Variants in OPCML observed in about 807,000 individuals in gnomAD.
The protein encoded by OPCML is opioid-binding protein/cell adhesion molecule.
Under a neutral mutation model 37.8 loss-of-function variants are expected in OPCML, and 13 were observed. The ratio of observed to expected loss-of-function variants is 0.34; its 90% CI spans 0.22 to 0.55. OPCML has a LOEUF of 0.55. Among genes scored for constraint, OPCML ranks in the 20% least tolerant of loss-of-function variants. OPCML has a pLI of 0.91. For synonymous variants in OPCML, 176 were observed against 168.8 expected (o/e 1.04, Z -0.33); for missense variants, 341 against 435.6 (o/e 0.78, Z 1.93).
chr11:133,519,098 T>C (rs1043291280), intron 1 of OPCML, among the ~76,000 whole-genome samples: 4 of 152,120 alleles, frequency 2.6e-5, no homozygotes, highest in Admixed American at 1.3e-4. Context: ...GGCTGACTCA[T>C]CTTCTGCCTC....
At chr11:132,593,014 G>A (rs2096486981) in intron 3 of OPCML, among the ~76,000 whole-genome samples, 1 of 152,164 alleles carries the variant, frequency 6.6e-6, no homozygotes, top group African/African-American at 2.4e-5. Flanking sequence ...AAAAGCACTG[G>A]AAGACATAAA....
At chr11:133,291,561 G>A (rs543631393) in intron 1 of OPCML, among the ~76,000 whole-genome samples, 6 of 152,318 alleles carry the variant, frequency 3.9e-5, no homozygotes, top group South Asian at 4.1e-4. Flanking sequence ...CAGGTTCTGC[G>A]CACTGCATGC....
chr11:132,747,750 A>G (rs971346609), intron 2 of OPCML, among the ~76,000 whole-genome samples: 1 of 152,188 alleles, frequency 6.6e-6, no homozygotes, highest in African/African-American at 2.4e-5. Flanking sequence ...AATAAGAAAG[A>G]GTTGCTGGTT....
intron 1 of OPCML, among the ~76,000 whole-genome samples, chr11:133,406,864 C>A (rs780392950): frequency 1.3e-5 from 2 of 152,164 alleles, no homozygotes; most frequent in African/African-American, 2.4e-5. Flanking sequence ...TTTTTTGAAA[C>A]CTTAATCGCA....
chr11:133,263,676 A>G (rs1941561840), intron 1 of OPCML, among the ~76,000 whole-genome samples: 1 of 151,946 alleles, frequency 6.6e-6, no homozygotes, highest in Non-Finnish European at 1.5e-5. Flanking sequence ...TTTGAATGAA[A>G]CACCCGCCAC....
At chr11:132,821,093 A>G (rs1327392416) in intron 2 of OPCML, among the ~76,000 whole-genome samples, 1 of 152,194 alleles carries the variant, frequency 6.6e-6, no homozygotes, top group Non-Finnish European at 1.5e-5. Flanking sequence ...AGAGGCCAGG[A>G]CTGTTCTTTT....
intron 2 of OPCML, among the ~76,000 whole-genome samples, chr11:132,723,573 G>C (rs560609795): frequency 6.6e-6 from 1 of 152,172 alleles, no homozygotes; most frequent in South Asian, 2.1e-4. Context: ...TTAATGAAAC[G>C]TATCATAGAA....
At chr11:132,593,837 T>C (rs1232885166) in intron 3 of OPCML, among the ~76,000 whole-genome samples, 1 of 152,164 alleles carries the variant, frequency 6.6e-6, no homozygotes, top group Non-Finnish European at 1.5e-5. Flanking sequence ...AAATCAATTC[T>C]AGGAGAAAGA....
At chr11:132,691,455 C>T (rs74628158) in intron 2 of OPCML, among the ~76,000 whole-genome samples, 6,477 of 152,304 alleles carry the variant, frequency 0.043, 403 homozygotes, top group African/African-American at 0.13. Flanking sequence ...TGTGTTATTT[C>T]TCCTACCAAC....
chr11:132,510,400 G>C (rs561337042), intron 4 of OPCML, among the ~76,000 whole-genome samples: 1 of 152,224 alleles, frequency 6.6e-6, no homozygotes, highest in Non-Finnish European at 1.5e-5. Context: ...TTTGAAATGT[G>C]AGGACATGAG....
chr11:132,833,524 C>A (rs775073309), intron 2 of OPCML, among the ~76,000 whole-genome samples: 7 of 152,208 alleles, frequency 4.6e-5, no homozygotes, highest in Non-Finnish European at 1.0e-4. Flanking sequence ...AAAGAGTACT[C>A]TCTAAAATAA....
intron 4 of OPCML, among the ~76,000 whole-genome samples, chr11:132,491,685 G>A (rs763272764): frequency 1.3e-4 from 20 of 152,106 alleles, no homozygotes; most frequent in Non-Finnish European, 1.0e-4. Flanking sequence ...CTAAGCCTTC[G>A]CTTTGAGCGA....
intron 1 of OPCML, chr11:133,118,473 A>C (rs767866468): frequency 3.2e-6 from 3 of 932,452 alleles, no homozygotes; most frequent in Non-Finnish European, 2.6e-6. Context: ...AAGGAGACTG[A>C]ATGCCTCCAT....
intron 1 of OPCML, among the ~76,000 whole-genome samples, chr11:133,072,064 C>T (rs909820373): frequency 4.6e-5 from 7 of 152,276 alleles, no homozygotes; most frequent in Non-Finnish European, 8.8e-5. Flanking sequence ...TTACCGTACT[C>T]AGACTCGGGC....
intron 4 of OPCML, among the ~76,000 whole-genome samples, chr11:132,522,587 T>C (rs2096296583): frequency 6.6e-6 from 1 of 152,240 alleles, no homozygotes; most frequent in Non-Finnish European, 1.5e-5. Flanking sequence ...TTCAACACTA[T>C]TACCTGCTTT....
intron 1 of OPCML, among the ~76,000 whole-genome samples, chr11:133,221,171 C>T (rs1565512806): frequency 6.6e-6 from 1 of 152,180 alleles, no homozygotes; most frequent in Admixed American, 6.5e-5. Context: ...CGTCAACCAC[C>T]CCCTTAGCAG....
At chr11:133,015,431 TGAAGGAAGGAAG>T (rs768763860) in intron 1 of OPCML, among the ~76,000 whole-genome samples, 1 of 46,104 alleles carries the variant, frequency 2.2e-5, no homozygotes, top group African/African-American at 8.4e-5. Flanking sequence ...AAGGAAGGAA[TGAAGGAAGGAAG>T]GAAGGAAGGA....
At chr11:132,801,542 T>C (rs1164408681) in intron 2 of OPCML, among the ~76,000 whole-genome samples, 1 of 152,220 alleles carries the variant, frequency 6.6e-6, no homozygotes, top group Non-Finnish European at 1.5e-5. Context: ...AAGTCATCTA[T>C]TTCTTTCTAT....
intron 1 of OPCML, among the ~76,000 whole-genome samples, chr11:133,480,316 G>A (rs542082629): frequency 3.9e-5 from 6 of 152,294 alleles, no homozygotes; most frequent in Non-Finnish European, 4.4e-5. Flanking sequence ...ACTGTGGTCC[G>A]GAGGGTTGCC....
Sources: gnomAD v4.1 joint callset for allele counts (sites outside exome capture counted in the v4.1 genomes callset) on GRCh38, gnomAD v4.1.1 for gene constraint, MANE v1.5 for transcripts, NCBI Gene and HGNC (gene_info 2026-07-23, HGNC 2026-07-21) for gene names.